The following METTL23 variants were observed in gnomAD, a reference collection of about 807,000 sequenced individuals.
METTL23 encodes the protein methyltransferase 23, arginine.
METTL23 carries 24 observed loss-of-function variants against 21.2 expected under a neutral mutation model. That is an observed-to-expected ratio of 1.13 (90% CI 0.82 to 1.59). The LOEUF (loss-of-function observed/expected upper bound fraction) is 1.59, where lower values mean the gene tolerates loss of function less well. Among genes scored for constraint, METTL23 ranks in the 40% most tolerant of loss-of-function variants. The pLI is 0.00. For missense variants in METTL23, 276 were observed against 221.4 expected (o/e 1.25, Z -1.57); for synonymous variants, 97 against 75.2 (o/e 1.29, Z -1.50).
At chr17:76,727,262 G>A (rs925976766) in intron 1 of METTL23, 84 bp downstream of exon 1, 1 of 348,336 alleles carries the variant, frequency 2.9e-6, no homozygotes, top group Non-Finnish European at 5.7e-6. Context: ...AGGGACCGGG[G>A]GTGCGGACGC....
chr17:76,733,804 T>G lies in METTL23; in HGVS notation c.*118T>G. 1.2e-6 allele frequency: 1 copy of G among 867,148 alleles called. No homozygotes were observed. Among genetic ancestry groups the G allele is most frequent in the Non-Finnish European group, 1.7e-6 (1 of 586,744 alleles). The allele number at this position is 867,148 out of a possible 1,614,324, so 53.7% of individuals were successfully genotyped here. On this transcript the variant is annotated 3_prime_UTR_variant, in exon 5 of 5. Transcript: ENST00000341249. ...GTGGGTCTGAAGATGGTCAAGTCTG[T>G]TTGCCTTAGATTTTGATGTCACCTA...
rs1568005907 is a variant in METTL23 at position 76,727,008 on chromosome 17, A to G, written c.-192A>G. On this transcript the variant is annotated 5_prime_UTR_variant, in exon 1 of 5. Coordinates refer to ENST00000341249, the MANE Select transcript of METTL23 (RefSeq NM_001080510.5). ...GTGGCCCGCGGCTTCCCGCTCGCGC[A>G]GTCTGGCAGCCCGGAGCCTTCCGCG... is the stretch of plus-strand genomic sequence containing the variant. The G allele has an allele frequency of 2.2e-6, 1 of 456,102 alleles. No homozygotes were observed. Among genetic ancestry groups the G allele is most frequent in the East Asian group, 7.0e-5 (1 of 14,360 alleles). The allele number at this position is 456,102 out of a possible 1,614,324, so 28.3% of individuals were successfully genotyped here.
chr17:76,728,733 G>A (rs2143802497), intron 1 of METTL23, among the ~76,000 whole-genome samples: 1 of 149,698 alleles, frequency 6.7e-6, no homozygotes, highest in African/African-American at 2.5e-5. Context: ...AAATACACTT[G>A]CATTTCTTCC....
Position 76,727,068 on chromosome 17 carries a change from C to T in METTL23, c.-132C>T, listed in dbSNP as rs772547754. 6 of 455,178 alleles carry T rather than the reference C, an allele frequency of 1.3e-5. No individual in the cohort carries two copies. The highest frequency in any genetic ancestry group is 7.8e-5 in the South Asian group (5 of 64,498). The allele number at this position is 455,178 out of a possible 1,614,324, so 28.2% of individuals were successfully genotyped here. On this transcript the variant is annotated 5_prime_UTR_variant, in exon 1 of 5. Coordinates refer to ENST00000341249, the MANE Select transcript of METTL23 (RefSeq NM_001080510.5). ...CCGCCCGGGGCCCAACGACGCCCTA[C>T]TGGGCGAGCACGATTTCCGAGGACA...
chr17:76,726,458 C>T (rs777572533), upstream of METTL23: 3 of 1,604,538 alleles, frequency 1.9e-6, no homozygotes, highest in South Asian at 3.3e-5. Flanking sequence ...GGATGCGCTT[C>T]TTGCTCTTGT....
At chr17:76,726,527 T>C, upstream of METTL23, 1 of 1,554,288 alleles carries the variant, frequency 6.4e-7, no homozygotes, top group Non-Finnish European at 8.7e-7. Context: ...GCCCGCTTCC[T>C]GACACTAACG....
At chr17:76,726,354 G>A (rs769612227), upstream of METTL23, 1 of 1,583,364 alleles carries the variant, frequency 6.3e-7, no homozygotes, top group Non-Finnish European at 8.6e-7. Flanking sequence ...CACCGCCACG[G>A]CCGCCGGGCT....
At chr17:76,728,416 T>TTTTTTTTTTTTTGTTTTTTTTTTTTG (rs2077051752) in intron 1 of METTL23, among the ~76,000 whole-genome samples, 1 of 5,190 alleles carries the variant, frequency 1.9e-4, no homozygotes, top group African/African-American at 3.5e-4. Flanking sequence ...TCACGGATTT[T>TTTTTTTTTTTTTGTTTTTTTTTTTTG]TTTTTTTTTT....
chr17:76,727,603 C>A (rs2077000452), intron 1 of METTL23, among the ~76,000 whole-genome samples: 1 of 152,276 alleles, frequency 6.6e-6, no homozygotes, highest in South Asian at 2.1e-4. Context: ...TCATCCTTAT[C>A]TCTCACTTTT....
chr17:76,732,803 T>C lies in METTL23; in HGVS notation c.85-175T>C, dbSNP rs906211466. Reference sequence around the variant, plus strand: ...TTTAGCAGAGTAGATTCATAAGGAATGTACTTTTGTCATGTTTATAGTAAT... The same window carrying C: ...TTTAGCAGAGTAGATTCATAAGGAACGTACTTTTGTCATGTTTATAGTAAT... On this transcript the variant is annotated intron_variant, in intron 2 of 4. Coordinates refer to ENST00000341249, the MANE Select transcript of METTL23 (RefSeq NM_001080510.5). The C allele has an allele frequency of 2.6e-5, 16 of 618,920 alleles. No homozygotes were observed. In the South Asian group the frequency reaches 2.8e-4, roughly 11 times the overall value. The allele number at this position is 618,920 out of a possible 1,614,324, so 38.3% of individuals were successfully genotyped here. A position where few individuals can be genotyped will look rare whatever the true frequency, so the allele number is the denominator to read the frequency against.
In METTL23 at chr17:76,726,979, C is replaced by T; in HGVS notation, c.-221C>T. ...CCCTTCTTGCCGTCAGGTGCTACGGCCACGTGGCCCGCGGCTTCCCGCTCG... is the reference window on the plus strand; with the variant it reads ...CCCTTCTTGCCGTCAGGTGCTACGGTCACGTGGCCCGCGGCTTCCCGCTCG... On this transcript the variant is annotated 5_prime_UTR_variant, in exon 1 of 5. Coordinates refer to ENST00000341249, the MANE Select transcript of METTL23 (RefSeq NM_001080510.5). 1 of 456,560 alleles carries T rather than the reference C, an allele frequency of 2.2e-6. No homozygotes were observed. The highest frequency in any genetic ancestry group is 4.4e-6 in the Non-Finnish European group (1 of 226,868). The allele number at this position is 456,560 out of a possible 1,614,324, so 28.3% of individuals were successfully genotyped here.
chr17:76,727,523 C>A (rs1354834463), intron 1 of METTL23, among the ~76,000 whole-genome samples: 1 of 152,190 alleles, frequency 6.6e-6, no homozygotes, highest in African/African-American at 2.4e-5. Context: ...TCGAATCTTT[C>A]CTGCCAGGAA....
chr17:76,726,724 C>G (rs1006885670), upstream of METTL23: 6 of 531,538 alleles, frequency 1.1e-5, no homozygotes, highest in Admixed American at 1.6e-4. Flanking sequence ...TTTGGCTCCC[C>G]TGGGGTACTC....
intron 2 of METTL23, chr17:76,732,769 CTT>C (rs2077275775): frequency 5.1e-6 from 3 of 590,844 alleles, no homozygotes; most frequent in Non-Finnish European, 9.0e-6. Context: ...GAAGGTTAAG[CTT>C]TTACCTTTTA....
intron 3 of METTL23, 23 bp downstream of exon 3, chr17:76,733,238 T>C (rs2077310926): frequency 6.2e-7 from 1 of 1,611,440 alleles, no homozygotes; most frequent in Non-Finnish European, 8.5e-7. Context: ...GGCTCAATAG[T>C]ACATTTGGCC....
intron 2 of METTL23, among the ~76,000 whole-genome samples, chr17:76,730,127 A>G (rs766714623): frequency 5.3e-5 from 8 of 151,454 alleles, no homozygotes; most frequent in Non-Finnish European, 1.0e-4. Context: ...CCCCATCTCT[A>G]CTAAAAATAC....
chr17:76,726,253 G>A (rs2076929531), upstream of METTL23: 2 of 1,428,610 alleles, frequency 1.4e-6, no homozygotes, highest in Non-Finnish European at 1.8e-6. Context: ...GGTCCCGGGC[G>A]CTCGGGGCGA....
chr17:76,733,239 A>G (rs1415584434), intron 3 of METTL23, 24 bp downstream of exon 3: 7 of 1,611,512 alleles, frequency 4.3e-6, no homozygotes, highest in South Asian at 1.1e-5. Flanking sequence ...GCTCAATAGT[A>G]CATTTGGCCA....
chr17:76,730,995 C>T (rs1473622168), intron 2 of METTL23, among the ~76,000 whole-genome samples: 2 of 152,192 alleles, frequency 1.3e-5, no homozygotes, highest in Non-Finnish European at 1.5e-5. Context: ...GTCCCAGCTA[C>T]TCGGGAGGCT....
Sources: gnomAD v4.1 joint callset for allele counts (sites outside exome capture counted in the v4.1 genomes callset) on GRCh38, gnomAD v4.1.1 for gene constraint, MANE v1.5 for transcripts, NCBI Gene and HGNC (gene_info 2026-07-23, HGNC 2026-07-21) for gene names.